The following DCUN1D3 variants were observed in gnomAD, a reference collection of about 807,000 sequenced individuals.
The protein encoded by DCUN1D3 is DCN1-like protein 3.
Under a neutral mutation model 24.8 loss-of-function variants are expected in DCUN1D3, and 6 were observed. The ratio of observed to expected loss-of-function variants is 0.24; its 90% CI spans 0.13 to 0.48. The LOEUF (loss-of-function observed/expected upper bound fraction) is 0.48, where lower values mean the gene tolerates loss of function less well. Ranked by LOEUF, DCUN1D3 falls within the 20% of genes least tolerant of loss-of-function variation. The pLI, the probability that DCUN1D3 is intolerant of heterozygous loss-of-function variation, is 0.99. For missense variants in DCUN1D3, 258 were observed against 379.4 expected, an observed-to-expected ratio of 0.68 and a Z score of 2.66; for synonymous variants, 120 against 144.9, an observed-to-expected ratio of 0.83 and a Z score of 1.24.
At position 20,860,969 on chromosome 16, in the gene DCUN1D3, G is replaced by A. The variant is rs1044382996; in HGVS notation, c.432-600C>T. On this transcript the variant is annotated intron_variant, in intron 2 of 2. Transcript: ENST00000324344. This position sits in a 1 kb window ranked among gnomAD's most constrained non-coding sequence, Gnocchi z 4.3. ...CGCATTGATCGTCTTCTCAGGGACT[G>A]TAGTATCTGCTGAAGAGGTGAGGCC... Among the ~76,000 whole-genome samples the A allele has an allele frequency of 1.3e-5, 2 of 152,216 alleles. No homozygotes were observed. The highest frequency in any genetic ancestry group is 2.1e-4 in the South Asian group (1 of 4,838).
chr16:20,899,627 G>A (rs1003598714), intron 1 of DCUN1D3, among the ~76,000 whole-genome samples: 1 of 152,088 alleles, frequency 6.6e-6, no homozygotes, highest in African/African-American at 2.4e-5. Flanking sequence ...TGAGAAGTGC[G>A]GGGGGTGTGG....
At chr16:20,862,703 C>A in intron 1 of DCUN1D3, 60 bp from the exon 2 acceptor site, 1 of 1,415,476 alleles carries the variant, frequency 7.1e-7, no homozygotes, top group Non-Finnish European at 9.3e-7. Flanking sequence ...TGGACCCTAC[C>A]TTCTAGGGTG....
chr16:20,895,094 T>C (rs2081909451), intron 1 of DCUN1D3, among the ~76,000 whole-genome samples: 1 of 152,214 alleles, frequency 6.6e-6, no homozygotes, highest in African/African-American at 2.4e-5. Context: ...CCACTTACAT[T>C]GTATTTGGCT....
At chr16:20,872,873 T>G (rs1313223950) in intron 1 of DCUN1D3, among the ~76,000 whole-genome samples, 1 of 152,202 alleles carries the variant, frequency 6.6e-6, no homozygotes, top group Admixed American at 6.5e-5. Flanking sequence ...ATCCCAGCAC[T>G]TTGGGAGGCC....
At chr16:20,885,293 C>T (rs1216057164) in intron 1 of DCUN1D3, among the ~76,000 whole-genome samples, 1 of 151,984 alleles carries the variant, frequency 6.6e-6, no homozygotes, top group Non-Finnish European at 1.5e-5. Context: ...CTATTTTAAC[C>T]TAATCTTCAC....
intron 1 of DCUN1D3, among the ~76,000 whole-genome samples, chr16:20,883,207 G>C (rs1387667285): frequency 2.0e-5 from 3 of 152,100 alleles, no homozygotes; most frequent in Non-Finnish European, 4.4e-5. Flanking sequence ...TACTTTAAAA[G>C]TGTGTTTTTG....
chr16:20,858,531 T>TATATTTTATATAGGTAAAATATATAC lies in DCUN1D3; in HGVS notation c.*1329_*1354dup, dbSNP rs2081713289. ...ATAGATACATATATGTGTATATATA[T>TATATTTTATATAGGTAAAATATATAC]ATATTTTATATAGGTAAAATATATA... On this transcript the variant is annotated 3_prime_UTR_variant, in exon 3 of 3. Transcript: ENST00000324344. The TATATTTTATATAGGTAAAATATATAC allele has an allele frequency of 6.8e-6, 1 of 146,678 alleles. No individual in the cohort carries two copies. Among genetic ancestry groups the TATATTTTATATAGGTAAAATATATAC allele is most frequent in the Non-Finnish European group, 1.5e-5 (1 of 66,704 alleles). The allele number at this position is 146,678 out of a possible 1,614,324, so 9.1% of individuals were successfully genotyped here. A position where few individuals can be genotyped will look rare whatever the true frequency, so the allele number is the denominator to read the frequency against.
At chr16:20,893,917 A>G (rs1294869609) in intron 1 of DCUN1D3, among the ~76,000 whole-genome samples, 1 of 152,256 alleles carries the variant, frequency 6.6e-6, no homozygotes, top group Non-Finnish European at 1.5e-5. Flanking sequence ...TGAATGATAG[A>G]GAGCTAAAAG....
intron 1 of DCUN1D3, among the ~76,000 whole-genome samples, chr16:20,877,462 TAGC>T (rs2081821634): frequency 6.6e-6 from 1 of 152,220 alleles, no homozygotes; most frequent in Admixed American, 6.5e-5. Context: ...CTCCCTCTAA[TAGC>T]AGGCATTTTA....
rs2081707012 is a variant in DCUN1D3 at position 20,857,286 on chromosome 16, T to C, written c.*2600A>G. The stretch of plus-strand genomic sequence containing the variant: ...GGCTTCTCATTTGCAAATGGATCAA[T>C]ATAACCAAAAAATAACTAAATGGCT... On this transcript the variant is annotated 3_prime_UTR_variant, in exon 3 of 3. Coordinates refer to ENST00000324344, the MANE Select transcript of DCUN1D3 (RefSeq NM_173475.4). The C allele has an allele frequency of 6.6e-6, 1 of 152,348 alleles. No homozygotes were observed. Among genetic ancestry groups the C allele is most frequent in the African/African-American group, 2.4e-5 (1 of 41,582 alleles). The allele number at this position is 152,348 out of a possible 1,614,324, so 9.4% of individuals were successfully genotyped here. A position where few individuals can be genotyped will look rare whatever the true frequency, so the allele number is the denominator to read the frequency against.
At position 20,858,245 on chromosome 16, in the gene DCUN1D3, G is replaced by C. The variant is rs975692749; in HGVS notation, c.*1641C>G. 7.2e-5 allele frequency: 11 copies of C among 152,756 alleles called. No individual in the cohort carries two copies. Among genetic ancestry groups the C allele is most frequent in the African/African-American group, 2.6e-4 (11 of 41,588 alleles). The allele number at this position is 152,756 out of a possible 1,614,324, so 9.5% of individuals were successfully genotyped here. A position where few individuals can be genotyped will look rare whatever the true frequency, so the allele number is the denominator to read the frequency against. ...CTCTAACTGAAACCAGGTAGGCCCAGAGTGAGCTCCTCAGGCCCCTGTGGC... is the reference window on the plus strand; with the variant it reads ...CTCTAACTGAAACCAGGTAGGCCCACAGTGAGCTCCTCAGGCCCCTGTGGC... On this transcript the variant is annotated 3_prime_UTR_variant, in exon 3 of 3. Coordinates refer to ENST00000324344, the MANE Select transcript of DCUN1D3 (RefSeq NM_173475.4).
chr16:20,882,003 G>C (rs2081846353), intron 1 of DCUN1D3, among the ~76,000 whole-genome samples: 1 of 151,922 alleles, frequency 6.6e-6, no homozygotes, highest in South Asian at 2.1e-4. Flanking sequence ...GGGTTTTGCC[G>C]TGTTGGTCAG....
At chr16:20,865,241 A>G (rs1676815776) in intron 1 of DCUN1D3, among the ~76,000 whole-genome samples, 1 of 152,060 alleles carries the variant, frequency 6.6e-6, no homozygotes, top group African/African-American at 2.4e-5. Flanking sequence ...AAAAAATAGA[A>G]AAACAAAAGA....
intron 1 of DCUN1D3, among the ~76,000 whole-genome samples, chr16:20,865,860 G>C (rs771838388): frequency 3.9e-5 from 6 of 152,180 alleles, no homozygotes; most frequent in Admixed American, 6.5e-5. Context: ...AGTTTAAAAT[G>C]AAGAGCACAA....
intron 1 of DCUN1D3, among the ~76,000 whole-genome samples, chr16:20,865,811 G>A (rs970484863): frequency 1.3e-5 from 2 of 152,198 alleles, no homozygotes; most frequent in Non-Finnish European, 2.9e-5. Context: ...TCGTCTTCAA[G>A]AGGAATTCTC....
intron 1 of DCUN1D3, among the ~76,000 whole-genome samples, chr16:20,894,623 A>C (rs948340425): frequency 6.6e-6 from 1 of 152,234 alleles, no homozygotes; most frequent in Admixed American, 6.5e-5. Flanking sequence ...AGTACAGCTC[A>C]AAGGACACTC....
At chr16:20,875,227 C>A (rs2081808538) in intron 1 of DCUN1D3, among the ~76,000 whole-genome samples, 1 of 127,126 alleles carries the variant, frequency 7.9e-6, no homozygotes, top group Non-Finnish European at 1.7e-5. Context: ...CACACACACA[C>A]ACACACACAC....
intron 1 of DCUN1D3, among the ~76,000 whole-genome samples, chr16:20,884,906 C>A (rs1048753140): frequency 5.3e-5 from 8 of 151,920 alleles, no homozygotes; most frequent in African/African-American, 1.2e-4. Flanking sequence ...CAGAGTAAGA[C>A]CCCATCTCAA....
chr16:20,893,649 C>T (rs1317418829), intron 1 of DCUN1D3, among the ~76,000 whole-genome samples: 1 of 152,124 alleles, frequency 6.6e-6, no homozygotes, highest in Non-Finnish European at 1.5e-5. Context: ...AGGAAAACAG[C>T]AAAACCCCCT....
Sources: gnomAD v4.1 joint callset for allele counts (sites outside exome capture counted in the v4.1 genomes callset) on GRCh38, gnomAD v4.1.1 for gene constraint, Gnocchi (gnomAD v3.1) non-coding constraint, MANE v1.5 for transcripts, NCBI Gene and HGNC (gene_info 2026-07-23, HGNC 2026-07-21) for gene names.